Variants in MGAT3 observed in about 807,000 individuals in gnomAD.
The protein encoded by MGAT3 is beta-1,4-mannosyl-glycoprotein 4-beta-N-acetylglucosaminyltransferase, also known as GlcNAc-T III.
In MGAT3, 9 loss-of-function variants were observed where a neutral mutation model predicts 29.8. The ratio of observed to expected loss-of-function variants is 0.30; its 90% confidence interval spans 0.18 to 0.53. MGAT3 has a LOEUF of 0.53. Among genes scored for constraint, MGAT3 ranks in the 20% least tolerant of loss-of-function variants. The pLI, the probability that MGAT3 is intolerant of heterozygous loss-of-function variation, is 0.96. For missense variants in MGAT3, 557 were observed against 769.5 expected, an observed-to-expected ratio of 0.72 and a Z score of 3.27; for synonymous variants, 397 against 348.9, an observed-to-expected ratio of 1.14 and a Z score of -1.54.
chr22:39,479,786 C>T (rs527686093), intron 1 of MGAT3, among the ~76,000 whole-genome samples: 20 of 152,280 alleles, frequency 1.3e-4, no homozygotes, highest in African/African-American at 4.6e-4. Flanking sequence ...CTGGGGAGTC[C>T]GAGCACATGG....
At position 39,457,769 on chromosome 22, in the gene MGAT3, C is replaced by T. The variant is rs1928377507; in HGVS notation, c.-2+212C>T. 6.6e-6 allele frequency among the ~76,000 whole-genome samples: 1 copy of T among 150,750 alleles called. No individual in the cohort carries two copies. Among genetic ancestry groups the T allele is most frequent in the African/African-American group, 2.4e-5 (1 of 41,306 alleles). ...GGAAGCCGCTCGGCGCGGGCCCCCT[C>T]CCCCTACCCGCCGCTCCTCCGAGCT... On this transcript the variant is annotated intron_variant, in intron 1 of 1. Transcript: ENST00000341184. The surrounding 1 kb of genome is among the most constrained non-coding windows in gnomAD (Gnocchi z 6.8).
In MGAT3 at chr22:39,491,793, C is replaced by CGGCA. The variant is rs1929460353; in HGVS notation, c.*2845_*2848dup. On this transcript the variant is annotated 3_prime_UTR_variant, in exon 2 of 2. Transcript: ENST00000341184. The surrounding 1 kb of genome is among the most constrained non-coding windows in gnomAD (Gnocchi z 5.5). ...GGGAAACCAAGCTGAATGTGACCACCGGCACACTGCTGCCATGTCCCATGT... is the reference window on the plus strand; with the variant it reads ...GGGAAACCAAGCTGAATGTGACCACCGGCAGGCACACTGCTGCCATGTCCCATGT... 6.0e-6 allele frequency: 1 copy of CGGCA among 167,136 alleles called. No homozygotes were observed. 10.4% of individuals were successfully genotyped at this position (167,136 alleles called of 1,614,324 possible). A position where few individuals can be genotyped will look rare whatever the true frequency, so the allele number is the denominator to read the frequency against.
At chr22:39,462,102 A>G (rs1037429441) in intron 1 of MGAT3, among the ~76,000 whole-genome samples, 3 of 152,008 alleles carry the variant, frequency 2.0e-5, no homozygotes, top group African/African-American at 7.2e-5. Context: ...GGGTTTCACC[A>G]TGTGGGCCAG....
intron 1 of MGAT3, among the ~76,000 whole-genome samples, chr22:39,466,469 T>C (rs1000622388): frequency 6.6e-6 from 1 of 152,190 alleles, no homozygotes; most frequent in African/African-American, 2.4e-5. Context: ...CCGGGGCTGG[T>C]CCAGCCTCTT....
intron 1 of MGAT3, among the ~76,000 whole-genome samples, chr22:39,476,983 C>T (rs1030733379): frequency 2.0e-5 from 3 of 152,272 alleles, no homozygotes; most frequent in Non-Finnish European, 4.4e-5. Flanking sequence ...GTTCTGCAGC[C>T]ACCGCCTCTA....
chr22:39,472,353 C>G (rs1044928477), intron 1 of MGAT3, among the ~76,000 whole-genome samples: 4 of 152,150 alleles, frequency 2.6e-5, no homozygotes, highest in African/African-American at 9.7e-5. Flanking sequence ...CCCGCCGTGC[C>G]GAGAGTGTAT....
At chr22:39,484,070 G>C (rs1929202818) in intron 1 of MGAT3, among the ~76,000 whole-genome samples, 2 of 152,198 alleles carry the variant, frequency 1.3e-5, no homozygotes, top group African/African-American at 4.8e-5. Flanking sequence ...CAGCTGCCCG[G>C]TTCACACTCC....
chr22:39,466,299 G>T (rs1928644585), intron 1 of MGAT3, among the ~76,000 whole-genome samples: 1 of 152,180 alleles, frequency 6.6e-6, no homozygotes, highest in African/African-American at 2.4e-5. Flanking sequence ...TCACCGTGGG[G>T]CTTGCCTAGC....
At chr22:39,462,516 A>G (rs1195079203) in intron 1 of MGAT3, among the ~76,000 whole-genome samples, 1 of 152,248 alleles carries the variant, frequency 6.6e-6, no homozygotes, top group African/African-American at 2.4e-5. Flanking sequence ...CTGACCCTCC[A>G]GAGGGCAGCC....
chr22:39,476,099 G>A (rs547040200), intron 1 of MGAT3, among the ~76,000 whole-genome samples: 3 of 152,212 alleles, frequency 2.0e-5, no homozygotes, highest in Admixed American at 2.0e-4. Context: ...GCCACTCCGT[G>A]GGAAAGTCCT....
rs138382629 is a variant in MGAT3, at chr22:39,487,641, G to C, written c.294G>C (p.Leu98Phe). The C allele has an allele frequency of 4.3e-6, 7 of 1,611,016 alleles. No homozygotes were observed. In the African/African-American group the frequency reaches 9.4e-5, roughly 22 times the overall value. ...KAAEELHRVD[L>F]VLPEDTTEYF... ...CCGAGGAGCTCCACCGGGTGGACTT[G>C]GTGCTGCCCGAGGACACCACCGAGT... Residue 98 changes from leucine to phenylalanine, a missense_variant, in exon 2 of 2, where the codon TTG (leucine) becomes TTC (phenylalanine). Transcript: ENST00000341184. This position sits in a 1 kb window ranked among gnomAD's most constrained non-coding sequence, Gnocchi z 5.7.
chr22:39,459,072 C>CT (rs3043636), intron 1 of MGAT3, among the ~76,000 whole-genome samples: 30 of 141,424 alleles, frequency 2.1e-4, no homozygotes, highest in African/African-American at 4.1e-4. Flanking sequence ...CTTTTCTTTT[C>CT]TTTTTTTTTT....
intron 1 of MGAT3, among the ~76,000 whole-genome samples, chr22:39,482,145 T>A (rs935939112): frequency 7.6e-6 from 1 of 131,020 alleles, no homozygotes; most frequent in Non-Finnish European, 1.6e-5. Context: ...TAGGCACTGC[T>A]AATTTTTTTT....
chr22:39,461,164 G>A (rs1367120752), intron 1 of MGAT3, among the ~76,000 whole-genome samples: 1 of 152,180 alleles, frequency 6.6e-6, no homozygotes, highest in Non-Finnish European at 1.5e-5. Context: ...CCTAACAAGA[G>A]TGTCATAATG....
chr22:39,484,147 G>A (rs910651501), intron 1 of MGAT3, among the ~76,000 whole-genome samples: 1 of 152,322 alleles, frequency 6.6e-6, no homozygotes, highest in East Asian at 1.9e-4. Flanking sequence ...TCTATAAAAT[G>A]AAAGAGTTGG....
intron 1 of MGAT3, chr22:39,486,118 C>CATATAAAGCA (rs970561385): frequency 9.9e-6 from 4 of 405,914 alleles, no homozygotes; most frequent in Non-Finnish European, 1.9e-5. Context: ...AGAAAAATTG[C>CATATAAAGCA]ATATAAAGCC....
At chr22:39,461,175 G>A (rs1249421649) in intron 1 of MGAT3, among the ~76,000 whole-genome samples, 1 of 152,158 alleles carries the variant, frequency 6.6e-6, no homozygotes, top group Non-Finnish European at 1.5e-5. Context: ...TGTCATAATG[G>A]GAGCTGGTAC....
intron 1 of MGAT3, among the ~76,000 whole-genome samples, chr22:39,467,399 G>A (rs375816788): frequency 3.3e-5 from 5 of 152,166 alleles, no homozygotes; most frequent in African/African-American, 7.2e-5. Context: ...GGCCCTGGGG[G>A]CATCCCAGGC....
At position 39,489,166 on chromosome 22, in the gene MGAT3, G is replaced by C; in HGVS notation, c.*217G>C. On this transcript the variant is annotated 3_prime_UTR_variant, in exon 2 of 2. Transcript: ENST00000341184. ...CTCCTGTTGGGAGAGGGCGCAGGCC[G>C]TGACGTCTGGGTGGCCCTTATGACT... The C allele has an allele frequency of 1.4e-6, 1 of 699,748 alleles. No individual in the cohort carries two copies. The allele number at this position is 699,748 out of a possible 1,614,324, so 43.3% of individuals were successfully genotyped here. A position where few individuals can be genotyped will look rare whatever the true frequency, so the allele number is the denominator to read the frequency against.
Sources: allele counts gnomAD v4.1 joint callset (sites outside exome capture counted in the v4.1 genomes callset), GRCh38; gene constraint gnomAD v4.1.1; non-coding constraint Gnocchi (gnomAD v3.1); transcripts MANE v1.5; gene names NCBI Gene and HGNC (gene_info 2026-07-23, HGNC 2026-07-21).